The following CRPPA variants were observed in gnomAD, a reference collection of about 807,000 sequenced individuals.
CRPPA encodes the protein CDP-L-ribitol pyrophosphorylase A.
In CRPPA, 43 loss-of-function variants were observed where a neutral mutation model predicts 52.0. The ratio of observed to expected loss-of-function variants is 0.83; its 90% CI spans 0.65 to 1.07. The LOEUF is 1.07. Ranked by LOEUF, CRPPA falls within the 50% of genes least tolerant of loss-of-function variation. CRPPA has a pLI of 0.00. For synonymous variants in CRPPA, 250 were observed against 203.5 expected, an observed-to-expected ratio of 1.23 and a Z score of -1.94; for missense variants, 629 against 551.7, an observed-to-expected ratio of 1.14 and a Z score of -1.40.
intron 8 of CRPPA, among the ~76,000 whole-genome samples, chr7:16,251,077 C>G (rs1425301457): frequency 6.6e-6 from 1 of 151,724 alleles, no homozygotes; most frequent in Non-Finnish European, 1.5e-5. Context: ...GGGTTGCAAT[C>G]CTAGTCTCTG....
intron 9 of CRPPA, among the ~76,000 whole-genome samples, chr7:16,101,045 T>A (rs1312891039): frequency 6.6e-6 from 1 of 152,190 alleles, no homozygotes; most frequent in African/African-American, 2.4e-5. Flanking sequence ...GCTGCTGGAA[T>A]TGGCTTGCCA....
chr7:16,089,125 T>A lies in CRPPA; in HGVS notation c.*2570A>T, dbSNP rs1461276930. ...GAAAATAGTGAAGGATGTGCAGATA[T>A]ATATACATATAAAATACATATACAT... is the stretch of plus-strand genomic sequence containing the variant. On this transcript the variant is annotated 3_prime_UTR_variant, in exon 10 of 10. Coordinates refer to ENST00000407010, the MANE Select transcript of CRPPA (RefSeq NM_001101426.4). The A allele has an allele frequency of 4.1e-6, 1 of 244,682 alleles. No individual in the cohort carries two copies. Among genetic ancestry groups the A allele is most frequent in the African/African-American group, 2.2e-5 (1 of 46,174 alleles). The allele number at this position is 244,682 out of a possible 1,614,324, so 15.2% of individuals were successfully genotyped here. A position where few individuals can be genotyped will look rare whatever the true frequency, so the allele number is the denominator to read the frequency against.
chr7:16,390,128 T>C (rs1421716649), intron 2 of CRPPA, among the ~76,000 whole-genome samples: 2 of 151,604 alleles, frequency 1.3e-5, no homozygotes, highest in African/African-American at 4.9e-5. Context: ...ATGTCTCTAC[T>C]TAGCTACTTT....
rs1245925441 is a variant in CRPPA at position 16,132,896 on chromosome 7, C to A, written c.1252-41097G>T. ...ATTTGGCTGGGCATGGTGGTTCATG[C>A]CTGAAGTCCCAGCACTCTGAGACGC... On this transcript the variant is annotated intron_variant, in intron 9 of 9. Transcript: ENST00000407010. Among the ~76,000 whole-genome samples, 2 of 123,984 alleles carry A rather than the reference C, an allele frequency of 1.6e-5. 1 individual carries two copies. Among genetic ancestry groups the A allele is most frequent in the Non-Finnish European group, 3.7e-5 (2 of 54,672 alleles). The allele number at this position is 123,984 out of a possible 152,430, so 81.3% of individuals were successfully genotyped here. A position where few individuals can be genotyped will look rare whatever the true frequency, so the allele number is the denominator to read the frequency against.
intron 6 of CRPPA, among the ~76,000 whole-genome samples, chr7:16,264,370 A>C (rs1196181115): frequency 6.6e-6 from 1 of 152,220 alleles, no homozygotes; most frequent in African/African-American, 2.4e-5. Context: ...AGTAAATTAA[A>C]GTACGACAAC....
intron 2 of CRPPA, among the ~76,000 whole-genome samples, chr7:16,379,689 T>C (rs181406706): frequency 0.012 from 1,772 of 152,312 alleles, 41 homozygotes; most frequent in African/African-American, 0.041. Context: ...GTAGTTCTCC[T>C]TGAAGAGGTC....
Position 16,283,552 on chromosome 7 carries a change from ATG to A in CRPPA, c.836-5328_836-5327del, listed in dbSNP as rs572305880. On this transcript the variant is annotated intron_variant, in intron 5 of 9. Transcript: ENST00000407010. ...ATATATATCTATAGATATACTATAT[ATG>A]TGTGTGTGTGTGTGTTTATATACAG... Among the ~76,000 whole-genome samples, 337 of 149,498 alleles carry A rather than the reference ATG, an allele frequency of 2.3e-3. 2 individuals carry two copies. The highest frequency in any genetic ancestry group is 0.019 in the South Asian group (91 of 4,754).
intron 3 of CRPPA, among the ~76,000 whole-genome samples, chr7:16,341,808 GTTTAACCT>G (rs916832286): frequency 3.9e-5 from 6 of 152,162 alleles, no homozygotes; most frequent in African/African-American, 1.4e-4. Flanking sequence ...GGAAGTGATG[GTTTAACCT>G]TTCTTCCTAA....
chr7:16,260,695 C>T (rs1366228809), intron 6 of CRPPA, among the ~76,000 whole-genome samples: 1 of 150,256 alleles, frequency 6.7e-6, no homozygotes, highest in Non-Finnish European at 1.5e-5. Flanking sequence ...TTAACTTCAA[C>T]AAAGATGCAC....
intron 1 of CRPPA, among the ~76,000 whole-genome samples, chr7:16,419,974 CT>C (rs1262152814): frequency 6.6e-6 from 1 of 152,182 alleles, no homozygotes; most frequent in Non-Finnish European, 1.5e-5. Context: ...TGCAATTCCC[CT>C]GTCTTGATAA....
chr7:16,160,116 T>G (rs967712672), intron 9 of CRPPA, among the ~76,000 whole-genome samples: 4 of 152,204 alleles, frequency 2.6e-5, no homozygotes, highest in South Asian at 4.1e-4. Flanking sequence ...TTCTGTAGGT[T>G]GCCTGTTCAC....
At chr7:16,392,946 C>T (rs1052939363) in intron 2 of CRPPA, among the ~76,000 whole-genome samples, 6 of 152,088 alleles carry the variant, frequency 3.9e-5, no homozygotes, top group African/African-American at 1.4e-4. Flanking sequence ...CTTCTTTAAA[C>T]ATTTCTTGAC....
intron 6 of CRPPA, among the ~76,000 whole-genome samples, chr7:16,268,125 C>T (rs1252367528): frequency 6.6e-6 from 1 of 151,856 alleles, no homozygotes; most frequent in Non-Finnish European, 1.5e-5. Context: ...GAGAAAATGA[C>T]AATCACTTAA....
intron 9 of CRPPA, among the ~76,000 whole-genome samples, chr7:16,166,981 T>G (rs1370381683): frequency 6.6e-6 from 1 of 150,568 alleles, no homozygotes. Context: ...CAGGCTGGAG[T>G]GCAGTGGTGC....
chr7:16,159,966 T>C (rs1215116324), intron 9 of CRPPA, among the ~76,000 whole-genome samples: 1 of 152,246 alleles, frequency 6.6e-6, no homozygotes, highest in African/African-American at 2.4e-5. Flanking sequence ...GTTGGCTGCA[T>C]AACCGTCTTC....
intron 9 of CRPPA, among the ~76,000 whole-genome samples, chr7:16,146,359 C>A (rs1050090242): frequency 6.6e-6 from 1 of 151,966 alleles, no homozygotes; most frequent in Non-Finnish European, 1.5e-5. Flanking sequence ...ACTAGACCTG[C>A]CTGACAAGAA....
chr7:16,129,389 G>C (rs981390831), intron 9 of CRPPA, among the ~76,000 whole-genome samples: 1 of 151,708 alleles, frequency 6.6e-6, no homozygotes, highest in Non-Finnish European at 1.5e-5. Context: ...TTTGTGTTTG[G>C]ATGGAAAATT....
chr7:16,128,956 C>T (rs1782631899), intron 9 of CRPPA, among the ~76,000 whole-genome samples: 2 of 152,174 alleles, frequency 1.3e-5, no homozygotes, highest in African/African-American at 4.8e-5. Context: ...TTCAGTCTTA[C>T]AGTTCTGTTC....
At chr7:16,189,576 A>G (rs1781567873) in intron 9 of CRPPA, among the ~76,000 whole-genome samples, 1 of 152,222 alleles carries the variant, frequency 6.6e-6, no homozygotes, top group African/African-American at 2.4e-5. Context: ...CCAAAGAATG[A>G]ATATTCATGA....
Sources: gnomAD v4.1 joint callset for allele counts (sites outside exome capture counted in the v4.1 genomes callset) on GRCh38, gnomAD v4.1.1 for gene constraint, MANE v1.5 for transcripts, NCBI Gene and HGNC (gene_info 2026-07-23, HGNC 2026-07-21) for gene names.